KIF1A: variants seen among roughly 807,000 people sequenced by gnomAD.
The protein encoded by KIF1A is kinesin family member 1A.
In KIF1A, 46 loss-of-function variants were observed where a neutral mutation model predicts 227.3. The ratio of observed to expected loss-of-function variants is 0.20; its 90% CI spans 0.16 to 0.26. The LOEUF (loss-of-function observed/expected upper bound fraction) is 0.26, where lower values mean the gene tolerates loss of function less well. Among genes scored for constraint, KIF1A ranks in the 10% least tolerant of loss-of-function variants. KIF1A has a pLI of 1.00. For missense variants in KIF1A, 1,683 were observed against 2,485.9 expected (o/e 0.68, Z 6.87); for synonymous variants, 1,022 against 1,012.8 (o/e 1.01, Z -0.17).
At chr2:240,728,828 C>T (rs539303831) in intron 38 of KIF1A, among the ~76,000 whole-genome samples, 2 of 152,346 alleles carry the variant, frequency 1.3e-5, no homozygotes, top group African/African-American at 4.8e-5. Flanking sequence ...CACAGAGCCA[C>T]TTCACAGCTG....
chr2:240,741,121 G>T, intron 35 of KIF1A, 148 bp downstream of exon 35: 1 of 603,972 alleles, frequency 1.7e-6, no homozygotes, highest in Non-Finnish European at 3.0e-6. Flanking sequence ...ACCTAGATGA[G>T]GCCGGGCCCA....
chr2:240,812,106 C>T (rs774074655), intron 1 of KIF1A, among the ~76,000 whole-genome samples: 2 of 152,176 alleles, frequency 1.3e-5, no homozygotes, highest in South Asian at 4.1e-4. Flanking sequence ...CTGGGCGCAC[C>T]GGGCCACGCC....
intron 10 of KIF1A, chr2:240,781,909 G>A (rs2054077788): frequency 2.0e-6 from 2 of 985,352 alleles, no homozygotes; most frequent in South Asian, 4.7e-5. Flanking sequence ...CACACGGGCC[G>A]CACAGCTCTT....
At chr2:240,807,003 C>G (rs965064354) in intron 1 of KIF1A, among the ~76,000 whole-genome samples, 1 of 151,392 alleles carries the variant, frequency 6.6e-6, no homozygotes, top group East Asian at 1.9e-4. Context: ...CCACAGATAC[C>G]AAAATCCACA....
intron 2 of KIF1A, among the ~76,000 whole-genome samples, 198 bp downstream of exon 2, chr2:240,797,449 G>A (rs550120192): frequency 2.9e-4 from 44 of 152,294 alleles, no homozygotes; most frequent in African/African-American, 9.9e-4. Flanking sequence ...AGCTGTAAGC[G>A]TAAATCTCTA....
intron 2 of KIF1A, among the ~76,000 whole-genome samples, chr2:240,794,995 C>T (rs954277447): frequency 2.0e-5 from 3 of 152,228 alleles, no homozygotes; most frequent in Admixed American, 1.3e-4. Flanking sequence ...CCTGAGTCCA[C>T]GGCCCTTTCC....
chr2:240,747,772 C>T (rs755308530), intron 28 of KIF1A, among the ~76,000 whole-genome samples: 7 of 152,208 alleles, frequency 4.6e-5, no homozygotes, highest in Non-Finnish European at 7.3e-5. Context: ...GGCCACCAAC[C>T]GCCCCTCCAC....
At chr2:240,782,735 C>A (rs1197225420) in intron 9 of KIF1A, 128 bp from the exon 10 acceptor site, 1 of 979,372 alleles carries the variant, frequency 1.0e-6, no homozygotes, top group Non-Finnish European at 1.6e-6. Context: ...CCCGTGGTCT[C>A]CTAGACAGCA....
chr2:240,725,170 A>G lies in KIF1A; in HGVS notation c.4256+101T>C. 7.7e-7 allele frequency: 1 copy of G among 1,293,856 alleles called. No homozygotes were observed. Among genetic ancestry groups the G allele is most frequent in the Non-Finnish European group, 1.1e-6 (1 of 934,274 alleles). 80.1% of individuals were successfully genotyped at this position (1,293,856 alleles called of 1,614,324 possible). A position where few individuals can be genotyped will look rare whatever the true frequency, so the allele number is the denominator to read the frequency against. On this transcript the variant is annotated intron_variant, in intron 40 of 48. Transcript: ENST00000498729. This position sits in a 1 kb window ranked among gnomAD's most constrained non-coding sequence, Gnocchi z 5.8. ...GTGTGGCTGGGCCTCGCACAGGGTG[A>G]GCTGCCGGGTGGCCCAAGGACCGCT...
Position 240,766,808 on chromosome 2 carries a change from C to T in KIF1A, c.1684+107G>A, listed in dbSNP as rs1487399207. 7 of 657,884 alleles carry T rather than the reference C, an allele frequency of 1.1e-5. No individual in the cohort carries two copies. Among genetic ancestry groups the T allele is most frequent in the Non-Finnish European group, 1.6e-5 (6 of 373,882 alleles). 40.8% of individuals were successfully genotyped at this position (657,884 alleles called of 1,614,324 possible). ...ACACGTCCTGCCTAGAAGTATGACT[C>T]GCGACCCACTTAGTGCTGGGTAAGC... is the stretch of plus-strand genomic sequence containing the variant. On this transcript the variant is annotated intron_variant, in intron 19 of 48. Coordinates refer to ENST00000498729, the MANE Select transcript of KIF1A (RefSeq NM_001244008.2). This position sits in a 1 kb window ranked among gnomAD's most constrained non-coding sequence, Gnocchi z 5.0.
chr2:240,819,986 G>C (rs1274182381), intron 1 of KIF1A, 136 bp downstream of exon 1: 3 of 152,946 alleles, frequency 2.0e-5, no homozygotes, highest in Non-Finnish European at 2.9e-5. Flanking sequence ...CGCTTTGGGC[G>C]GCAACAAGGG....
chr2:240,753,381 T>C (rs189020143), intron 27 of KIF1A, among the ~76,000 whole-genome samples: 1 of 152,304 alleles, frequency 6.6e-6, no homozygotes, highest in East Asian at 1.9e-4. Flanking sequence ...GGCTCCCTGC[T>C]GAACAAACGC....
chr2:240,724,374 G>A lies in KIF1A; in HGVS notation c.4257-338C>T, dbSNP rs1222933639. The A allele has an allele frequency of 2.1e-5, 8 of 383,348 alleles. No homozygotes were observed. The Admixed American group carries it at 2.3e-4, about 11-fold the overall frequency. The allele number at this position is 383,348 out of a possible 1,614,324, so 23.7% of individuals were successfully genotyped here. ...GCATCTCCAGTCCCTCCACGGCGTC[G>A]AGAGCCCCTCAGGCCCCATACCCCA... On this transcript the variant is annotated intron_variant, in intron 40 of 48. Coordinates refer to ENST00000498729, the MANE Select transcript of KIF1A (RefSeq NM_001244008.2).
chr2:240,816,580 G>T (rs1164634683), intron 1 of KIF1A, among the ~76,000 whole-genome samples: 2 of 152,128 alleles, frequency 1.3e-5, no homozygotes, highest in African/African-American at 4.8e-5. Context: ...GACCCCCAAA[G>T]GTCATCTGAA....
At position 240,727,395 on chromosome 2, in the gene KIF1A, C is replaced by T. The variant is rs568758155; in HGVS notation, c.4008-455G>A. ...GCAGGGAGGGAGAGGGCAGAGCCTG[C>T]GCGGGCCCACCCCAGCCTCAGTCTG... is the stretch of plus-strand genomic sequence containing the variant. On this transcript the variant is annotated intron_variant, in intron 38 of 48. Transcript: ENST00000498729. 6.6e-5 allele frequency among the ~76,000 whole-genome samples: 10 copies of T among 152,236 alleles called. No individual in the cohort carries two copies. In the South Asian group the frequency reaches 1.0e-3, roughly 16 times the overall value.
intron 1 of KIF1A, among the ~76,000 whole-genome samples, chr2:240,805,257 A>C (rs892510192): frequency 6.6e-6 from 1 of 152,238 alleles, no homozygotes; most frequent in Non-Finnish European, 1.5e-5. Context: ...ACAGATTATA[A>C]AAATAAGTTG....
intron 5 of KIF1A, among the ~76,000 whole-genome samples, chr2:240,786,844 G>T (rs2055003966): frequency 6.6e-6 from 1 of 152,008 alleles, no homozygotes; most frequent in Admixed American, 6.5e-5. Context: ...GCTGCCTGCT[G>T]AGCAGAGGGC....
In KIF1A at chr2:240,786,821, T is replaced by A. The variant is rs3888328; in HGVS notation, c.430-308A>T. On this transcript the variant is annotated intron_variant, in intron 5 of 48. Coordinates refer to ENST00000498729, the MANE Select transcript of KIF1A (RefSeq NM_001244008.2). ...GGGGGCTGCCATCAGGACCCCTGAG[T>A]GAGAGGGTGGGGGCTGCCTGCTGAG... is the stretch of plus-strand genomic sequence containing the variant. Among the ~76,000 whole-genome samples, 14,413 of 77,758 alleles carry A rather than the reference T, an allele frequency of 0.19. 2,037 individuals are homozygous for A. The highest frequency in any genetic ancestry group is 0.22 in the Non-Finnish European group (7,626 of 35,408). The allele number at this position is 77,758 out of a possible 152,430, so 51.0% of individuals were successfully genotyped here.
chr2:240,811,093 G>A (rs1351658597), intron 1 of KIF1A, among the ~76,000 whole-genome samples: 1 of 152,244 alleles, frequency 6.6e-6, no homozygotes, highest in Non-Finnish European at 1.5e-5. Context: ...CGCGTGCAGT[G>A]GCTCGTGCCT....
Sources: gnomAD v4.1 joint callset for allele counts (sites outside exome capture counted in the v4.1 genomes callset) on GRCh38, gnomAD v4.1.1 for gene constraint, Gnocchi (gnomAD v3.1) non-coding constraint, MANE v1.5 for transcripts, NCBI Gene and HGNC (gene_info 2026-07-23, HGNC 2026-07-21) for gene names.